Variants in UBAC2 observed in about 807,000 individuals in gnomAD.
UBAC2 encodes the protein ubiquitin-associated domain-containing protein 2.
UBAC2 carries 26 observed loss-of-function variants against 44.0 expected under a neutral mutation model. That is an observed-to-expected ratio of 0.59 (90% CI 0.43 to 0.82). The LOEUF (loss-of-function observed/expected upper bound fraction) is 0.82, where lower values mean the gene tolerates loss of function less well. Ranked by LOEUF, UBAC2 falls within the 40% of genes least tolerant of loss-of-function variation. The pLI is 0.00. For missense variants in UBAC2, 329 were observed against 419.4 expected, an observed-to-expected ratio of 0.78 and a Z score of 1.88; for synonymous variants, 155 against 154.3, an observed-to-expected ratio of 1.00 and a Z score of -0.04.
At chr13:99,338,881 A>G (rs1189063705) in intron 6 of UBAC2, among the ~76,000 whole-genome samples, 3 of 152,194 alleles carry the variant, frequency 2.0e-5, no homozygotes, top group African/African-American at 4.8e-5. Flanking sequence ...ACTAAACTCT[A>G]TTTCCCTTCT....
At chr13:99,305,343 C>A (rs1173381157) in intron 4 of UBAC2, among the ~76,000 whole-genome samples, 1 of 152,136 alleles carries the variant, frequency 6.6e-6, no homozygotes, top group African/African-American at 2.4e-5. Context: ...AGGTGATAAA[C>A]CCCCCAGACT....
intron 7 of UBAC2, among the ~76,000 whole-genome samples, chr13:99,361,917 G>A (rs2045270473): frequency 6.6e-6 from 1 of 152,172 alleles, no homozygotes. Context: ...GATTGCTTGG[G>A]TCCGGGAGTT....
At chr13:99,302,338 G>A (rs2044268324) in intron 4 of UBAC2, among the ~76,000 whole-genome samples, 1 of 152,176 alleles carries the variant, frequency 6.6e-6, no homozygotes, top group Non-Finnish European at 1.5e-5. Flanking sequence ...AAAGCTCAGG[G>A]TTAATTGAAA....
chr13:99,309,028 T>A (rs957693402), intron 4 of UBAC2, among the ~76,000 whole-genome samples: 2 of 152,200 alleles, frequency 1.3e-5, no homozygotes. Flanking sequence ...AATTTTGAAA[T>A]AGTTATATTA....
intron 4 of UBAC2, among the ~76,000 whole-genome samples, chr13:99,280,933 C>T (rs980369335): frequency 2.0e-5 from 3 of 152,056 alleles, no homozygotes; most frequent in African/African-American, 7.2e-5. Context: ...CGCCTGTAAT[C>T]CCATCACTTT....
chr13:99,289,577 G>A (rs2044063145), intron 4 of UBAC2, among the ~76,000 whole-genome samples: 2 of 152,140 alleles, frequency 1.3e-5, no homozygotes, highest in African/African-American at 4.8e-5. Context: ...GAACTGGATA[G>A]TGTCTGCATT....
chr13:99,218,386 T>C (rs731955), intron 1 of UBAC2, among the ~76,000 whole-genome samples: 1 of 151,956 alleles, frequency 6.6e-6, no homozygotes, highest in Non-Finnish European at 1.5e-5. Flanking sequence ...ACTAGGATTT[T>C]AAATTTTACA....
chr13:99,364,562 CT>C (rs953844906), intron 7 of UBAC2, among the ~76,000 whole-genome samples: 1 of 151,954 alleles, frequency 6.6e-6, no homozygotes, highest in African/African-American at 2.4e-5. Flanking sequence ...TTTCTGTACT[CT>C]AGAGCAGTTT....
At chr13:99,296,834 A>G (rs1417304942) in intron 4 of UBAC2, among the ~76,000 whole-genome samples, 1 of 152,222 alleles carries the variant, frequency 6.6e-6, no homozygotes, top group Admixed American at 6.5e-5. Context: ...ATGAGAGAGA[A>G]AAAGACTTAA....
intron 7 of UBAC2, among the ~76,000 whole-genome samples, chr13:99,359,407 A>G (rs2045233407): frequency 6.6e-6 from 1 of 152,128 alleles, no homozygotes; most frequent in Non-Finnish European, 1.5e-5. Flanking sequence ...TAATTTTGTG[A>G]TTTTACATTA....
At chr13:99,359,801 C>A (rs1042666185) in intron 7 of UBAC2, among the ~76,000 whole-genome samples, 2 of 152,238 alleles carry the variant, frequency 1.3e-5, no homozygotes, top group Admixed American at 1.3e-4. Context: ...CCAAGCACAG[C>A]ACCCCTAAAG....
intron 1 of UBAC2, among the ~76,000 whole-genome samples, chr13:99,227,996 A>G (rs2142702223): frequency 6.6e-6 from 1 of 152,302 alleles, no homozygotes; most frequent in South Asian, 2.1e-4. Context: ...TCACCTTGAG[A>G]CTTGAGACCA....
At chr13:99,241,764 A>C (rs1313744190) in intron 2 of UBAC2, among the ~76,000 whole-genome samples, 1 of 127,882 alleles carries the variant, frequency 7.8e-6, no homozygotes, top group Non-Finnish European at 1.6e-5. Flanking sequence ...TTTATTGATC[A>C]TTCTTGGGTG....
At chr13:99,214,242 C>G (rs1207063245) in intron 1 of UBAC2, among the ~76,000 whole-genome samples, 3 of 138,468 alleles carry the variant, frequency 2.2e-5, no homozygotes, top group South Asian at 2.3e-4. Flanking sequence ...TTTTTTTTTC[C>G]TGGAATCCCT....
In UBAC2 at chr13:99,356,839, G is replaced by A. The variant is rs1034798194; in HGVS notation, c.808-10948G>A. 3.3e-5 allele frequency among the ~76,000 whole-genome samples: 5 copies of A among 152,200 alleles called. No individual in the cohort carries two copies. In the East Asian group the frequency reaches 5.8e-4, roughly 18 times the overall value. On this transcript the variant is annotated intron_variant, in intron 7 of 8. Coordinates refer to ENST00000403766, the MANE Select transcript of UBAC2 (RefSeq NM_001144072.2). ...TGCAGCATGGTTTCTTCTGGGCCTCGCGTTGCCCCATCTCTTATCCAAGTG... is the reference window on the plus strand; with the variant it reads ...TGCAGCATGGTTTCTTCTGGGCCTCACGTTGCCCCATCTCTTATCCAAGTG...
chr13:99,349,018 C>G (rs1045787491), intron 7 of UBAC2, among the ~76,000 whole-genome samples: 2 of 152,130 alleles, frequency 1.3e-5, no homozygotes, highest in Non-Finnish European at 2.9e-5. Context: ...AGGTGGGAGA[C>G]AGTGAAAATT....
rs79826018 is a variant in UBAC2, at chr13:99,277,066, C to A, written c.389+32442C>A. On this transcript the variant is annotated intron_variant, in intron 4 of 8. Coordinates refer to ENST00000403766, the MANE Select transcript of UBAC2 (RefSeq NM_001144072.2). ...TTCTCAGGTTTGCCAAGATAGCTAC[C>A]CTGTATAGTGTTGCTGTTTTCTAAC... is the stretch of plus-strand genomic sequence containing the variant. Among the ~76,000 whole-genome samples the A allele has an allele frequency of 9.9e-3, 1,508 of 152,158 alleles. 69 individuals are homozygous for A. Among genetic ancestry groups the A allele is most frequent in the East Asian group, 0.072 (375 of 5,182 alleles).
intron 4 of UBAC2, among the ~76,000 whole-genome samples, chr13:99,261,247 G>A (rs986015386): frequency 1.3e-5 from 2 of 152,204 alleles, no homozygotes; most frequent in African/African-American, 4.8e-5. Context: ...GAGGGTGTGA[G>A]GCAGACAAAG....
intron 6 of UBAC2, among the ~76,000 whole-genome samples, chr13:99,327,069 C>G (rs1414047024): frequency 2.0e-5 from 3 of 152,186 alleles, no homozygotes; most frequent in African/African-American, 4.8e-5. Flanking sequence ...TATGCTTTCT[C>G]TTCTAAAATC....
Sources: gnomAD v4.1 joint callset for allele counts (sites outside exome capture counted in the v4.1 genomes callset) on GRCh38, gnomAD v4.1.1 for gene constraint, MANE v1.5 for transcripts, NCBI Gene and HGNC (gene_info 2026-07-23, HGNC 2026-07-21) for gene names.